Variants in SCHIP1 observed in about 807,000 individuals in gnomAD.
The protein encoded by SCHIP1 is schwannomin-interacting protein 1.
In SCHIP1, 8 loss-of-function variants were observed where a neutral mutation model predicts 29.7. That is an observed-to-expected ratio of 0.27 (90% CI 0.16 to 0.49). The LOEUF (loss-of-function observed/expected upper bound fraction) is 0.49. Among genes scored for constraint, SCHIP1 ranks in the 20% least tolerant of loss-of-function variants. The probability of loss-of-function intolerance (pLI) is 0.99; values close to 1 mark genes in which losing one functional copy is unlikely to be tolerated. For synonymous variants in SCHIP1, 76 were observed against 94.9 expected, an observed-to-expected ratio of 0.80 and a Z score of 1.16; for missense variants, 193 against 294.6, an observed-to-expected ratio of 0.66 and a Z score of 2.52.
the SCHIP1 span, among the ~76,000 whole-genome samples, chr3:159,296,780 A>G: frequency 3.5e-5 from 5 of 141,696 alleles, no homozygotes; most frequent in Non-Finnish European, 6.1e-5. Flanking sequence ...TCTCAAAAAG[A>G]AAAAAAAAAA....
the SCHIP1 span, among the ~76,000 whole-genome samples, chr3:159,668,335 C>T: frequency 7.2e-6 from 1 of 138,244 alleles, no homozygotes; most frequent in Admixed American, 7.8e-5. Context: ...CGAGAGCACG[C>T]AACTGCACTC....
chr3:159,277,044 T>C, the SCHIP1 span, among the ~76,000 whole-genome samples: 1 of 152,202 alleles, frequency 6.6e-6, no homozygotes, highest in African/African-American at 2.4e-5. Context: ...CCCATCTTGA[T>C]GCAATACACA....
chr3:159,390,228 C>T, the SCHIP1 span, among the ~76,000 whole-genome samples: 1 of 152,004 alleles, frequency 6.6e-6, no homozygotes, highest in Non-Finnish European at 1.5e-5. Context: ...AGTTATAGAT[C>T]AGTACAATAC....
At chr3:159,818,326 G>A in the SCHIP1 span, among the ~76,000 whole-genome samples, 1 of 152,354 alleles carries the variant, frequency 6.6e-6, no homozygotes, top group East Asian at 1.9e-4. Flanking sequence ...TTAAAGTGGG[G>A]ACAATAACAC....
chr3:159,725,509 C>A, the SCHIP1 span, among the ~76,000 whole-genome samples: 1 of 152,160 alleles, frequency 6.6e-6, no homozygotes, highest in African/African-American at 2.4e-5. Flanking sequence ...AAGGGATCCG[C>A]CTGCCTCCGC....
chr3:159,623,648 G>A, the SCHIP1 span, among the ~76,000 whole-genome samples: 1 of 152,052 alleles, frequency 6.6e-6, no homozygotes, highest in Non-Finnish European at 1.5e-5. Flanking sequence ...TAAACAAAGA[G>A]TTTTCCACTT....
chr3:159,618,110 C>A, the SCHIP1 span, among the ~76,000 whole-genome samples: 3 of 152,124 alleles, frequency 2.0e-5, no homozygotes, highest in African/African-American at 7.2e-5. Flanking sequence ...TCAAAATGAC[C>A]CTGTGTAGGT....
the SCHIP1 span, among the ~76,000 whole-genome samples, chr3:159,494,096 C>T: frequency 6.6e-6 from 1 of 152,116 alleles, no homozygotes; most frequent in African/African-American, 2.4e-5. Context: ...GGAACATATT[C>T]AAAGCAGTGT....
chr3:159,726,381 G>A, the SCHIP1 span, among the ~76,000 whole-genome samples: 1 of 152,166 alleles, frequency 6.6e-6, no homozygotes, highest in Non-Finnish European at 1.5e-5. Flanking sequence ...TTTTGGCAGA[G>A]TTCATACATG....
At chr3:159,687,974 C>T in the SCHIP1 span, among the ~76,000 whole-genome samples, 1 of 152,212 alleles carries the variant, frequency 6.6e-6, no homozygotes, top group Admixed American at 6.5e-5. Context: ...TGTATATGTG[C>T]CACATTTTCT....
At chr3:159,649,125 G>C in the SCHIP1 span, among the ~76,000 whole-genome samples, 1 of 152,062 alleles carries the variant, frequency 6.6e-6, no homozygotes, top group African/African-American at 2.4e-5. Flanking sequence ...AAGAGGTCTG[G>C]GCCCTGCCAT....
At chr3:159,284,716 C>T in the SCHIP1 span, among the ~76,000 whole-genome samples, 5 of 152,100 alleles carry the variant, frequency 3.3e-5, no homozygotes, top group East Asian at 1.9e-4. Flanking sequence ...AGGCTAGTCT[C>T]GAACTTGTGA....
the SCHIP1 span, among the ~76,000 whole-genome samples, chr3:159,433,758 A>G: frequency 6.6e-6 from 1 of 152,200 alleles, no homozygotes; most frequent in Admixed American, 6.5e-5. Flanking sequence ...TGTAAGTCAC[A>G]AAAACAGTGA....
At chr3:159,573,146 C>T in the SCHIP1 span, among the ~76,000 whole-genome samples, 1 of 152,086 alleles carries the variant, frequency 6.6e-6, no homozygotes, top group Non-Finnish European at 1.5e-5. Context: ...GAATTTGATC[C>T]TGTCATTATG....
the SCHIP1 span, among the ~76,000 whole-genome samples, chr3:159,700,556 G>T: frequency 2.6e-5 from 4 of 152,008 alleles, no homozygotes; most frequent in African/African-American, 4.8e-5. Context: ...ATGGTGGCTC[G>T]TGCCTGTAAT....
chr3:159,510,807 C>CTGGCT, the SCHIP1 span, among the ~76,000 whole-genome samples: 2 of 152,152 alleles, frequency 1.3e-5, no homozygotes, highest in Non-Finnish European at 2.9e-5. Flanking sequence ...GCTAATGTTG[C>CTGGCT]TGGCTGATCG....
the SCHIP1 span, among the ~76,000 whole-genome samples, chr3:159,747,871 C>A: frequency 6.6e-6 from 1 of 152,158 alleles, no homozygotes; most frequent in African/African-American, 2.4e-5. Context: ...CATCCCCATG[C>A]AAGTTCAGAT....
the SCHIP1 span, among the ~76,000 whole-genome samples, chr3:159,580,107 G>A: frequency 6.6e-6 from 1 of 152,064 alleles, no homozygotes; most frequent in South Asian, 2.1e-4. Flanking sequence ...TTAAGATTCT[G>A]TTATGGTGTA....
the SCHIP1 span, among the ~76,000 whole-genome samples, chr3:159,351,234 G>A: frequency 6.6e-6 from 1 of 152,116 alleles, no homozygotes; most frequent in Non-Finnish European, 1.5e-5. Flanking sequence ...GGTTTCCCAG[G>A]CAATATTGCA....
Sources: allele counts gnomAD v4.1 joint callset (sites outside exome capture counted in the v4.1 genomes callset), GRCh38; gene constraint gnomAD v4.1.1; transcripts MANE v1.5; gene names NCBI Gene and HGNC (gene_info 2026-07-23, HGNC 2026-07-21).